IFT56: variants seen among roughly 807,000 people sequenced by gnomAD.
IFT56 encodes the protein intraflagellar transport 56, also known as intraflagellar transport protein 56.
At chr7:139,134,788 T>C in the IFT56 span, 2 of 1,613,082 alleles carry the variant, frequency 1.2e-6, no homozygotes, top group South Asian at 1.1e-5. Context: ...ATTACCCTGT[T>C]GGAGGTAATG....
chr7:139,134,131 C>T, the IFT56 span, among the ~76,000 whole-genome samples: 1 of 152,332 alleles, frequency 6.6e-6, no homozygotes, highest in Admixed American at 6.5e-5. Context: ...GCGAAAGCAT[C>T]TCTAGCCAGA....
the IFT56 span, among the ~76,000 whole-genome samples, chr7:139,160,587 G>A: frequency 6.6e-6 from 1 of 151,976 alleles, no homozygotes; most frequent in Non-Finnish European, 1.5e-5. Context: ...GCGCTACCAC[G>A]CCCAGCTAAT....
chr7:139,184,146 A>G, the IFT56 span, among the ~76,000 whole-genome samples: 2 of 151,976 alleles, frequency 1.3e-5, no homozygotes, highest in Non-Finnish European at 2.9e-5. Context: ...CCACGGCCCC[A>G]CCTCCTAACC....
the IFT56 span, among the ~76,000 whole-genome samples, chr7:139,177,611 A>ATAGTGTGT: frequency 5.4e-5 from 8 of 148,476 alleles, no homozygotes; most frequent in Non-Finnish European, 7.4e-5. Flanking sequence ...ATATATATAT[A>ATAGTGTGT]GTGTGTGTGT....
the IFT56 span, among the ~76,000 whole-genome samples, chr7:139,162,905 G>A: frequency 6.6e-6 from 1 of 151,538 alleles, no homozygotes. Flanking sequence ...CTTGCAGTGA[G>A]CCAAGATTGC....
At chr7:139,135,294 A>AC in the IFT56 span, among the ~76,000 whole-genome samples, 4 of 139,040 alleles carry the variant, frequency 2.9e-5, no homozygotes, top group Admixed American at 7.6e-5. Context: ...AAAAAAAAAA[A>AC]AAAACAAAAC....
At chr7:139,158,010 A>G in the IFT56 span, among the ~76,000 whole-genome samples, 1 of 151,928 alleles carries the variant, frequency 6.6e-6, no homozygotes, top group African/African-American at 2.4e-5. Context: ...ATGCAACAGA[A>G]TCTAAGAAAT....
chr7:139,188,834 T>G, the IFT56 span, among the ~76,000 whole-genome samples: 2 of 152,256 alleles, frequency 1.3e-5, no homozygotes, highest in African/African-American at 4.8e-5. Flanking sequence ...AAAAAATCCC[T>G]TATTCCTTTG....
the IFT56 span, among the ~76,000 whole-genome samples, chr7:139,167,940 CAA>C: frequency 4.0e-4 from 44 of 108,932 alleles, no homozygotes; most frequent in African/African-American, 7.4e-4. Context: ...GACTCGGTCT[CAA>C]AAAAAAAAAA....
the IFT56 span, among the ~76,000 whole-genome samples, chr7:139,136,386 G>A: frequency 1.3e-5 from 2 of 152,058 alleles, no homozygotes; most frequent in African/African-American, 4.8e-5. Context: ...TCATCAGTCT[G>A]TTTTCCTCTT....
chr7:139,148,471 C>G, the IFT56 span: 1 of 1,197,490 alleles, frequency 8.4e-7, no homozygotes, highest in Non-Finnish European at 1.2e-6. Flanking sequence ...ATCTGTAACT[C>G]TTGATTAATA....
chr7:139,167,587 C>G, the IFT56 span, among the ~76,000 whole-genome samples: 1 of 152,010 alleles, frequency 6.6e-6, no homozygotes, highest in African/African-American at 2.4e-5. Context: ...AAATGGATAT[C>G]AGAGGACACT....
chr7:139,177,611 A>AGTTGTGTGT, the IFT56 span, among the ~76,000 whole-genome samples: 6 of 148,476 alleles, frequency 4.0e-5, no homozygotes, highest in African/African-American at 1.5e-4. Context: ...ATATATATAT[A>AGTTGTGTGT]GTGTGTGTGT....
the IFT56 span, among the ~76,000 whole-genome samples, chr7:139,164,949 T>C: frequency 6.6e-6 from 1 of 152,168 alleles, no homozygotes; most frequent in East Asian, 1.9e-4. Flanking sequence ...GTAAGAAGCA[T>C]AGGGATTAGG....
the IFT56 span, chr7:139,181,072 A>C: frequency 3.3e-6 from 5 of 1,493,582 alleles, no homozygotes; most frequent in Non-Finnish European, 4.6e-6. Context: ...TTGTTTACAA[A>C]TCTTTGTTTC....
At chr7:139,142,793 C>T in the IFT56 span, among the ~76,000 whole-genome samples, 1 of 152,098 alleles carries the variant, frequency 6.6e-6, no homozygotes, top group East Asian at 1.9e-4. Flanking sequence ...GATCGTGCCA[C>T]TGCACTCCAG....
the IFT56 span, among the ~76,000 whole-genome samples, chr7:139,184,650 T>C: frequency 2.0e-5 from 3 of 152,202 alleles, no homozygotes; most frequent in African/African-American, 7.2e-5. Context: ...GGCTTATGCC[T>C]GTAATCCCAG....
At chr7:139,191,887 T>C in the IFT56 span, 1 of 152,198 alleles carries the variant, frequency 6.6e-6, no homozygotes, top group East Asian at 1.9e-4. Flanking sequence ...ATACATTACT[T>C]GCAAATGGGA....
the IFT56 span, chr7:139,166,971 A>G: frequency 6.3e-6 from 6 of 958,134 alleles, no homozygotes; most frequent in Non-Finnish European, 1.0e-5. Context: ...GTTGGAAGTC[A>G]TATTAGAGAA....
Sources: gnomAD v4.1 joint callset for allele counts (sites outside exome capture counted in the v4.1 genomes callset) on GRCh38, gnomAD v4.1.1 for gene constraint, MANE v1.5 for transcripts, NCBI Gene and HGNC (gene_info 2026-07-23, HGNC 2026-07-21) for gene names.